FMN1: variants seen among roughly 807,000 people sequenced by gnomAD.
FMN1 encodes formin 1, also known as formin-1.
A neutral mutation model predicts 132.4 loss-of-function variants in FMN1; 110 were observed. The observed-to-expected ratio is 0.83, with a 90% CI of 0.71 to 0.97. The LOEUF is 0.97. Ranked by LOEUF, FMN1 falls within the 50% of genes least tolerant of loss-of-function variation. The pLI is 0.00. For missense variants in FMN1, 1,792 were observed against 1,705.3 expected (o/e 1.05, Z -0.90); for synonymous variants, 722 against 651.7 (o/e 1.11, Z -1.64).
intron 16 of FMN1, among the ~76,000 whole-genome samples, chr15:32,878,830 GA>G (rs571751432): frequency 7.2e-5 from 11 of 152,140 alleles, no homozygotes; most frequent in African/African-American, 2.2e-4. Flanking sequence ...TCTTGTCAAA[GA>G]AAAAAACTCA....
At chr15:33,164,133 A>C (rs1965005712) in intron 3 of FMN1, among the ~76,000 whole-genome samples, 1 of 152,208 alleles carries the variant, frequency 6.6e-6, no homozygotes, top group South Asian at 2.1e-4. Flanking sequence ...ACTAAGGAAA[A>C]AAGATTATTA....
intron 12 of FMN1, among the ~76,000 whole-genome samples, chr15:32,904,673 T>C (rs1035220569): frequency 2.6e-5 from 4 of 152,168 alleles, no homozygotes; most frequent in African/African-American, 4.8e-5. Context: ...GGCGTGGATA[T>C]TGGGTATAGC....
chr15:32,944,701 T>C (rs1446446465), intron 9 of FMN1, among the ~76,000 whole-genome samples: 4 of 151,992 alleles, frequency 2.6e-5, no homozygotes, highest in Non-Finnish European at 4.4e-5. Context: ...CTTTTCTTGT[T>C]TTTCAGGCTG....
intron 4 of FMN1, among the ~76,000 whole-genome samples, chr15:33,111,056 C>G (rs2039682530): frequency 1.3e-5 from 2 of 152,170 alleles, no homozygotes; most frequent in South Asian, 4.1e-4. Flanking sequence ...TTATGGTATG[C>G]TATTCCTGAC....
chr15:33,124,635 T>C (rs1962876421), intron 4 of FMN1, among the ~76,000 whole-genome samples: 1 of 152,206 alleles, frequency 6.6e-6, no homozygotes, highest in South Asian at 2.1e-4. Flanking sequence ...GTATTTGGTA[T>C]CTAATAATCT....
At position 32,987,259 on chromosome 15, in the gene FMN1, G is replaced by A. The variant is rs115380089; in HGVS notation, c.2224-17782C>T. Among the ~76,000 whole-genome samples the A allele has an allele frequency of 8.1e-3, 1,238 of 152,216 alleles. 22 individuals are homozygous for A. Among genetic ancestry groups the A allele is most frequent in the African/African-American group, 0.029 (1,184 of 41,536 alleles). ...CATGAAACCACATGACCGCTGTAGC[G>A]TTTCATACCATTGACATGTTGCTGT... On this transcript the variant is annotated intron_variant, in intron 7 of 20. Coordinates refer to ENST00000616417, the MANE Select transcript of FMN1 (RefSeq NM_001277313.2).
chr15:33,015,692 T>A (rs1233678665), intron 6 of FMN1, among the ~76,000 whole-genome samples: 4 of 141,466 alleles, frequency 2.8e-5, no homozygotes, highest in Non-Finnish European at 6.3e-5. Context: ...TATTTTCAAG[T>A]ACATATGTGA....
intron 6 of FMN1, among the ~76,000 whole-genome samples, chr15:33,019,065 G>A (rs375220201): frequency 2.1e-4 from 32 of 152,274 alleles, no homozygotes; most frequent in South Asian, 2.1e-3. Context: ...TGCTGGCTCC[G>A]GCAGCCTGCT....
chr15:33,135,794 T>C (rs1172846264), intron 4 of FMN1, among the ~76,000 whole-genome samples: 1 of 152,218 alleles, frequency 6.6e-6, no homozygotes, highest in Non-Finnish European at 1.5e-5. Context: ...ATACTAACTG[T>C]TCTATTCTAT....
chr15:33,032,339 A>G (rs1333296183), intron 6 of FMN1, among the ~76,000 whole-genome samples: 2 of 152,252 alleles, frequency 1.3e-5, no homozygotes, highest in African/African-American at 2.4e-5. Flanking sequence ...ATTCATTACA[A>G]TGTTATTTCA....
chr15:33,167,329 T>C (rs1447631867), intron 3 of FMN1, among the ~76,000 whole-genome samples: 1 of 152,246 alleles, frequency 6.6e-6, no homozygotes, highest in Admixed American at 6.5e-5. Context: ...CCATGTAAGA[T>C]GTGCCTTTAC....
At chr15:32,921,962 C>T (rs931383856) in intron 10 of FMN1, among the ~76,000 whole-genome samples, 1 of 152,108 alleles carries the variant, frequency 6.6e-6, no homozygotes, top group Non-Finnish European at 1.5e-5. Context: ...CTGTTTTTCA[C>T]GTTTTGTTTC....
chr15:32,910,521 C>T lies in FMN1; in HGVS notation c.3241G>A (p.Asp1081Asn), dbSNP rs770064138. ...KDIQQAIFNV[D>N]DSVVDLETLA... Reference sequence around the variant, plus strand: ...GTCTCCAGATCAACCACGGAGTCATCCACATTGAAAATGGCTGCCAAGCAC... The same window carrying T: ...GTCTCCAGATCAACCACGGAGTCATTCACATTGAAAATGGCTGCCAAGCAC... Residue 1081 changes from aspartate to asparagine, a missense_variant, in exon 11 of 21, where the codon GAT (aspartate) becomes AAT (asparagine). Transcript: ENST00000616417. 1 of 1,574,300 alleles carries T rather than the reference C, an allele frequency of 6.4e-7. No individual in the cohort carries two copies. The highest frequency in any genetic ancestry group is 1.8e-5 in the Admixed American group (1 of 54,164).
At chr15:33,035,996 T>C (rs2036175154) in intron 6 of FMN1, among the ~76,000 whole-genome samples, 3 of 152,146 alleles carry the variant, frequency 2.0e-5, no homozygotes, top group South Asian at 4.2e-4. Context: ...ACTCAGCCCC[T>C]TCACCATACC....
chr15:32,816,490 C>T (rs1398979782), intron 17 of FMN1, among the ~76,000 whole-genome samples: 1 of 152,036 alleles, frequency 6.6e-6, no homozygotes, highest in Non-Finnish European at 1.5e-5. Flanking sequence ...TTTTTAGTTG[C>T]TTTTTGAAGA....
At chr15:33,128,455 G>A (rs1235105132) in intron 4 of FMN1, among the ~76,000 whole-genome samples, 3 of 152,242 alleles carry the variant, frequency 2.0e-5, no homozygotes, top group Non-Finnish European at 4.4e-5. Flanking sequence ...TTATTCCTAT[G>A]ACATTGCAAG....
chr15:33,154,673 T>C lies in FMN1; in HGVS notation c.242A>G (p.Lys81Arg), dbSNP rs1595576213. ...TTTGTACAGCTCAGTTAGAATGTCTTTCGTGGGAGTCTGCTTGAAAAATAT... is the reference window on the plus strand; with the variant it reads ...TTTGTACAGCTCAGTTAGAATGTCTCTCGTGGGAGTCTGCTTGAAAAATAT... ...GDIFFKQTPT[K>R]DILTELYKLT... Residue 81 changes from lysine to arginine, a missense_variant, in exon 4 of 21, where the codon AAA becomes AGA. Physicochemically the swap from Lys to Arg is conservative, Grantham distance 26 (BLOSUM62 2). Coordinates refer to ENST00000616417, the MANE Select transcript of FMN1 (RefSeq NM_001277313.2). 7 of 1,536,110 alleles carry C rather than the reference T, an allele frequency of 4.6e-6. No homozygotes were observed. The East Asian group carries it at 1.7e-4, about 38-fold the overall frequency.
intron 6 of FMN1, among the ~76,000 whole-genome samples, chr15:33,035,771 C>A (rs905530750): frequency 1.3e-5 from 2 of 152,184 alleles, no homozygotes; most frequent in African/African-American, 4.8e-5. Context: ...GATTTCACTG[C>A]CCCCTCCAAA....
chr15:32,864,758 C>T (rs936861212), intron 16 of FMN1, among the ~76,000 whole-genome samples: 6 of 152,174 alleles, frequency 3.9e-5, no homozygotes, highest in African/African-American at 9.7e-5. Flanking sequence ...CTTTTTATAT[C>T]TACACATACA....
Sources: allele counts gnomAD v4.1 joint callset (sites outside exome capture counted in the v4.1 genomes callset), GRCh38; gene constraint gnomAD v4.1.1; transcripts MANE v1.5; gene names NCBI Gene and HGNC (gene_info 2026-07-23, HGNC 2026-07-21).